SLC4A10: variants seen among roughly 807,000 people sequenced by gnomAD.
SLC4A10 encodes the protein solute carrier family 4 member 10.
SLC4A10 carries 42 observed loss-of-function variants against 137.7 expected under a neutral mutation model. That is an observed-to-expected ratio of 0.30 (90% CI 0.24 to 0.39). SLC4A10 has a LOEUF of 0.39. SLC4A10 is among the 10% of genes least tolerant of loss of function. The pLI is 1.00. For synonymous variants in SLC4A10, 474 were observed against 464.1 expected, an observed-to-expected ratio of 1.02 and a Z score of -0.27; for missense variants, 925 against 1,355.0, an observed-to-expected ratio of 0.68 and a Z score of 4.98.
At chr2:161,690,776 C>T (rs1051739135) in intron 1 of SLC4A10, among the ~76,000 whole-genome samples, 1 of 151,984 alleles carries the variant, frequency 6.6e-6, no homozygotes, top group Non-Finnish European at 1.5e-5. Flanking sequence ...ACAACACACA[C>T]TGGGGCCTGT....
chr2:161,842,855 T>C (rs1400999530), intron 4 of SLC4A10, among the ~76,000 whole-genome samples: 2 of 152,128 alleles, frequency 1.3e-5, no homozygotes, highest in East Asian at 3.9e-4. Flanking sequence ...TCTTTTATGA[T>C]TTTGATAAGT....
Position 161,942,787 on chromosome 2 carries a change from T to G in SLC4A10, c.1998-5T>G. Reference sequence around the variant, plus strand: ...TTCACAAAAGACACTATTTTGCCTTTTCAGGTGTAACTGTGTGGAACCGCA... The same window carrying G: ...TTCACAAAAGACACTATTTTGCCTTGTCAGGTGTAACTGTGTGGAACCGCA... On this transcript the variant is annotated splice_polypyrimidine_tract_variant and splice_region_variant and intron_variant, in intron 15 of 26. Transcript: ENST00000446997. 1 of 1,594,306 alleles carries G rather than the reference T, an allele frequency of 6.3e-7. No individual in the cohort carries two copies. The highest frequency in any genetic ancestry group is 8.6e-7 in the Non-Finnish European group (1 of 1,169,482).
intron 1 of SLC4A10, among the ~76,000 whole-genome samples, chr2:161,647,831 A>T (rs927938748): frequency 2.0e-5 from 3 of 152,218 alleles, no homozygotes; most frequent in African/African-American, 7.2e-5. Context: ...CAGATGTCAC[A>T]AAGATCAGGC....
intron 3 of SLC4A10, among the ~76,000 whole-genome samples, chr2:161,827,149 T>G (rs1483357475): frequency 6.6e-6 from 1 of 152,244 alleles, no homozygotes; most frequent in Non-Finnish European, 1.5e-5. Context: ...ATTTTCCTTC[T>G]GCCAAATCTT....
intron 1 of SLC4A10, among the ~76,000 whole-genome samples, chr2:161,692,346 T>C (rs1240281217): frequency 2.0e-5 from 3 of 152,066 alleles, no homozygotes; most frequent in Non-Finnish European, 4.4e-5. Flanking sequence ...TTCTATGGGC[T>C]GAAATTTGGA....
At chr2:161,736,186 A>G (rs1210556396) in intron 1 of SLC4A10, among the ~76,000 whole-genome samples, 1 of 152,038 alleles carries the variant, frequency 6.6e-6, no homozygotes, top group African/African-American at 2.4e-5. Context: ...TATTGCCCTA[A>G]GTAATTGATA....
chr2:161,661,838 A>AT (rs1293350719), intron 1 of SLC4A10, among the ~76,000 whole-genome samples: 5 of 152,256 alleles, frequency 3.3e-5, no homozygotes, highest in East Asian at 1.9e-4. Flanking sequence ...CAGCAAAAAA[A>AT]ATATATATTT....
chr2:161,666,203 G>A (rs1046906353), intron 1 of SLC4A10, among the ~76,000 whole-genome samples: 1 of 151,510 alleles, frequency 6.6e-6, no homozygotes, highest in Admixed American at 6.6e-5. Context: ...TGCAAATAAT[G>A]AACGGTTTTT....
intron 1 of SLC4A10, among the ~76,000 whole-genome samples, chr2:161,732,219 C>T (rs934865360): frequency 2.6e-5 from 4 of 152,162 alleles, no homozygotes; most frequent in Admixed American, 6.6e-5. Context: ...CCTTTGGCAT[C>T]TGTTTACTCC....
rs76323322 is a variant in SLC4A10, at chr2:161,771,316, T to G, written c.130+262T>G. ...CAAGCACTGTACTGTGTGTCAATCT[T>G]TCAATAATCCTTGCTTCATGTAATT... On this transcript the variant is annotated intron_variant, in intron 2 of 26. Transcript: ENST00000446997. 3.9e-4 allele frequency among the ~76,000 whole-genome samples: 60 copies of G among 152,010 alleles called. No individual in the cohort carries two copies. In the East Asian group the frequency reaches 8.9e-3, roughly 23 times the overall value.
At chr2:161,973,931 C>T (rs1281946608) in intron 23 of SLC4A10, among the ~76,000 whole-genome samples, 2 of 152,176 alleles carry the variant, frequency 1.3e-5, no homozygotes, top group Non-Finnish European at 2.9e-5. Context: ...CTGATTATAT[C>T]ACCCATACTT....
In SLC4A10 at chr2:161,904,806, A is replaced by G. The variant is rs1683962578; in HGVS notation, c.1648A>G (p.Met550Val). Residue 550 changes from methionine to valine, a missense_variant, in exon 14 of 27, where the codon ATG (methionine) becomes GTG (valine). This residue lies in a region of SLC4A10 where 61 missense variants were observed against 168.0 expected (regional missense o/e 0.36). Transcript: ENST00000446997. ...AATTGAATCTCTCTTTGGAGCATCC[A>G]TGACCGGGATAGCCTATTCTCTCTT... is the stretch of plus-strand genomic sequence containing the variant. ...SAIESLFGAS[M>V]TGIAYSLFGG... The G allele has an allele frequency of 4.3e-6, 7 of 1,614,012 alleles. No homozygotes were observed. Among genetic ancestry groups the G allele is most frequent in the Non-Finnish European group, 5.9e-6 (7 of 1,179,884 alleles).
At chr2:161,629,592 G>T (rs950838478) in intron 1 of SLC4A10, among the ~76,000 whole-genome samples, 7 of 151,766 alleles carry the variant, frequency 4.6e-5, no homozygotes, top group Non-Finnish European at 1.0e-4. Context: ...ATTAGGACTT[G>T]GTGTTGGACA....
intron 1 of SLC4A10, among the ~76,000 whole-genome samples, chr2:161,734,853 G>A (rs1453266272): frequency 1.3e-5 from 2 of 151,952 alleles, no homozygotes; most frequent in Non-Finnish European, 2.9e-5. Flanking sequence ...TGTGTCAGGG[G>A]AGGGACCTGG....
chr2:161,752,700 G>A (rs1161911244), intron 1 of SLC4A10, among the ~76,000 whole-genome samples: 1 of 152,092 alleles, frequency 6.6e-6, no homozygotes, highest in Non-Finnish European at 1.5e-5. Context: ...TATGTTAAGT[G>A]AACTAAGCAA....
chr2:161,877,105 A>G (rs1032065093), intron 8 of SLC4A10, among the ~76,000 whole-genome samples: 7 of 152,126 alleles, frequency 4.6e-5, no homozygotes, highest in Admixed American at 6.6e-5. Flanking sequence ...CTATTTTAAC[A>G]TACTATGTAC....
chr2:161,773,697 TG>T (rs2051955989), intron 2 of SLC4A10, among the ~76,000 whole-genome samples: 1 of 151,842 alleles, frequency 6.6e-6, no homozygotes. Flanking sequence ...TAATGGGAAA[TG>T]ATCCCCTGCT....
chr2:161,767,991 C>A (rs1282980226), intron 1 of SLC4A10, among the ~76,000 whole-genome samples: 1 of 152,014 alleles, frequency 6.6e-6, no homozygotes, highest in African/African-American at 2.4e-5. Flanking sequence ...AGATCAGAGT[C>A]ATATTCTTTT....
intron 3 of SLC4A10, among the ~76,000 whole-genome samples, chr2:161,821,035 T>A (rs1401254338): frequency 6.6e-6 from 1 of 152,222 alleles, no homozygotes; most frequent in Non-Finnish European, 1.5e-5. Context: ...TGATTACCAA[T>A]GAAATTGAGT....
Sources: allele counts gnomAD v4.1 joint callset (sites outside exome capture counted in the v4.1 genomes callset), GRCh38; gene constraint gnomAD v4.1.1; regional missense constraint gnomAD v4.1.1; transcripts MANE v1.5; gene names NCBI Gene and HGNC (gene_info 2026-07-23, HGNC 2026-07-21).